TRAPPC3L: variants seen among roughly 807,000 people sequenced by gnomAD.
TRAPPC3L encodes trafficking protein particle complex subunit 3L, also known as trafficking protein particle complex subunit 3-like protein.
Under a neutral mutation model 23.7 loss-of-function variants are expected in TRAPPC3L, and 23 were observed. The observed-to-expected ratio is 0.97, with a 90% CI of 0.70 to 1.37. TRAPPC3L has a LOEUF of 1.37. Ranked by LOEUF, TRAPPC3L falls within the 40% of genes most tolerant of loss-of-function variation. The pLI, the probability that TRAPPC3L is intolerant of heterozygous loss-of-function variation, is 0.00. For missense variants in TRAPPC3L, 212 were observed against 216.8 expected, an observed-to-expected ratio of 0.98 and a Z score of 0.14; for synonymous variants, 81 against 77.9, an observed-to-expected ratio of 1.04 and a Z score of -0.21.
Position 116,496,250 on chromosome 6 carries a change from CTTTATTTTAGAAG to C in TRAPPC3L, c.*691_*703del, listed in dbSNP as rs1472213607. 1.3e-5 allele frequency: 2 copies of C among 152,028 alleles called. No individual in the cohort carries two copies. The highest frequency in any genetic ancestry group is 1.5e-5 in the Non-Finnish European group (1 of 67,994). The allele number at this position is 152,028 out of a possible 1,614,324, so 9.4% of individuals were successfully genotyped here. ...GTAATTTCAAAGAATATTATTTATC[CTTTATTTTAGAAG>C]TTTCCTGGCCTGACCATCAAGCAAT... On this transcript the variant is annotated 3_prime_UTR_variant, in exon 5 of 5. Coordinates refer to ENST00000368602, the MANE Select transcript of TRAPPC3L (RefSeq NM_001139444.3).
chr6:116,509,231 G>C (rs1445418547), intron 3 of TRAPPC3L, among the ~76,000 whole-genome samples: 1 of 152,036 alleles, frequency 6.6e-6, no homozygotes, highest in Non-Finnish European at 1.5e-5. Context: ...CATGCTCCTG[G>C]ATTGGAAGAA....
chr6:116,513,358 T>C lies in TRAPPC3L; in HGVS notation c.241-12692A>G, dbSNP rs188935866. On this transcript the variant is annotated intron_variant, in intron 3 of 4. Transcript: ENST00000368602. Reference sequence around the variant, plus strand: ...TAAAGCACATCTTAGATAAAACATATCAGGCTCCCAAATGTCTTGTGTCTT... The same window carrying C: ...TAAAGCACATCTTAGATAAAACATACCAGGCTCCCAAATGTCTTGTGTCTT... Among the ~76,000 whole-genome samples, 4 of 152,276 alleles carry C rather than the reference T, an allele frequency of 2.6e-5. No individual in the cohort carries two copies. In the East Asian group the frequency reaches 7.7e-4, roughly 29 times the overall value.
At chr6:116,524,969 C>T (rs1024144695) in intron 3 of TRAPPC3L, among the ~76,000 whole-genome samples, 2 of 152,154 alleles carry the variant, frequency 1.3e-5, no homozygotes, top group Admixed American at 6.5e-5. Flanking sequence ...CAGGTATTAC[C>T]TTTTCTATGT....
At chr6:116,543,265 C>A in intron 2 of TRAPPC3L, 38 bp downstream of exon 2, 3 of 1,466,938 alleles carry the variant, frequency 2.0e-6, no homozygotes, top group Non-Finnish European at 1.9e-6. Context: ...ATGTAAGAAA[C>A]AACAGCCATT....
chr6:116,528,346 G>T (rs1772512766), intron 3 of TRAPPC3L, among the ~76,000 whole-genome samples: 1 of 152,076 alleles, frequency 6.6e-6, no homozygotes, highest in South Asian at 2.1e-4. Context: ...TTCCACAAAA[G>T]AAAATTTCCT....
At chr6:116,514,730 A>C (rs1772188966) in intron 3 of TRAPPC3L, among the ~76,000 whole-genome samples, 1 of 152,166 alleles carries the variant, frequency 6.6e-6, no homozygotes, top group South Asian at 2.1e-4. Context: ...ACTGATTTAA[A>C]GCTTATTTGT....
chr6:116,515,650 C>G (rs777534627), intron 3 of TRAPPC3L: 1 of 1,613,916 alleles, frequency 6.2e-7, no homozygotes, highest in African/African-American at 1.3e-5. Context: ...CTCTGCTCAC[C>G]ACATGTTATG....
At chr6:116,511,850 C>T (rs766912247) in intron 3 of TRAPPC3L, 3 of 1,614,068 alleles carry the variant, frequency 1.9e-6, no homozygotes, top group Non-Finnish European at 2.5e-6. Flanking sequence ...GACCTATGGG[C>T]TGGTTTTCCT....
At chr6:116,532,229 G>T (rs1772772237) in intron 3 of TRAPPC3L, among the ~76,000 whole-genome samples, 1 of 151,370 alleles carries the variant, frequency 6.6e-6, no homozygotes, top group South Asian at 2.1e-4. Context: ...GGGTGTAGAT[G>T]TGAAAAGTTC....
At chr6:116,509,807 A>G (rs182238094) in intron 3 of TRAPPC3L, among the ~76,000 whole-genome samples, 5 of 152,302 alleles carry the variant, frequency 3.3e-5, no homozygotes, top group African/African-American at 9.6e-5. Context: ...AAATGCAACA[A>G]AACCAAAAAT....
At chr6:116,516,160 G>A (rs1321725053) in intron 3 of TRAPPC3L, 4 of 831,958 alleles carry the variant, frequency 4.8e-6, no homozygotes, top group Non-Finnish European at 6.9e-6. Context: ...ACATCAGGAT[G>A]TGCTCAAATT....
chr6:116,531,930 C>A (rs1772753137), intron 3 of TRAPPC3L, among the ~76,000 whole-genome samples: 2 of 150,560 alleles, frequency 1.3e-5, no homozygotes, highest in Admixed American at 1.3e-4. Flanking sequence ...ATGGAAAAAA[C>A]AAATGTTTCA....
intron 4 of TRAPPC3L, among the ~76,000 whole-genome samples, chr6:116,499,023 T>C (rs1771872850): frequency 1.3e-5 from 2 of 152,222 alleles, no homozygotes; most frequent in Admixed American, 6.5e-5. Flanking sequence ...GCTTGCTGGA[T>C]AGCCTCACTT....
intron 3 of TRAPPC3L, chr6:116,521,167 A>G (rs1772331747): frequency 6.6e-6 from 1 of 152,126 alleles, no homozygotes; most frequent in Non-Finnish European, 1.5e-5. Context: ...TATATATTAT[A>G]TATAACAAAA....
In TRAPPC3L at chr6:116,543,780, G is replaced by C. The variant is rs1338019058; in HGVS notation, c.43-380C>G. The C allele has an allele frequency of 3.3e-6, 5 of 1,512,898 alleles. No homozygotes were observed. In the African/African-American group the frequency reaches 4.1e-5, roughly 13 times the overall value. The allele number at this position is 1,512,898 out of a possible 1,614,324, so 93.7% of individuals were successfully genotyped here. A position where few individuals can be genotyped will look rare whatever the true frequency, so the allele number is the denominator to read the frequency against. On this transcript the variant is annotated intron_variant, in intron 1 of 4. Coordinates refer to ENST00000368602, the MANE Select transcript of TRAPPC3L (RefSeq NM_001139444.3). Reference sequence around the variant, plus strand: ...ATGTTTTCAGTTGGAAGCAAGAATTGGATAAGACTTCTCAGGCGTCTGCAC... The same window carrying C: ...ATGTTTTCAGTTGGAAGCAAGAATTCGATAAGACTTCTCAGGCGTCTGCAC...
chr6:116,507,750 A>G (rs1015222467), intron 3 of TRAPPC3L, among the ~76,000 whole-genome samples: 1 of 152,194 alleles, frequency 6.6e-6, no homozygotes, highest in African/African-American at 2.4e-5. Context: ...TCTCTAAGGA[A>G]CAAGTGGTAG....
intron 3 of TRAPPC3L, chr6:116,521,233 T>C (rs1166477323): frequency 6.6e-6 from 1 of 152,032 alleles, no homozygotes; most frequent in Non-Finnish European, 1.5e-5. Context: ...TGTATATATA[T>C]ATGAAAGAGG....
chr6:116,524,667 A>G (rs1772412140), intron 3 of TRAPPC3L: 1 of 152,138 alleles, frequency 6.6e-6, no homozygotes, highest in Non-Finnish European at 1.5e-5. Context: ...TTTCATGTCC[A>G]AAAATGTTAA....
At chr6:116,533,541 G>A (rs1301496749) in intron 3 of TRAPPC3L, among the ~76,000 whole-genome samples, 2 of 152,162 alleles carry the variant, frequency 1.3e-5, no homozygotes, top group East Asian at 3.9e-4. Flanking sequence ...AGGGTCAAAC[G>A]TGAGGCCACC....
Sources: gnomAD v4.1 joint callset for allele counts (sites outside exome capture counted in the v4.1 genomes callset) on GRCh38, gnomAD v4.1.1 for gene constraint, MANE v1.5 for transcripts, NCBI Gene and HGNC (gene_info 2026-07-23, HGNC 2026-07-21) for gene names.